Variants in KCNH2 observed in about 807,000 individuals in gnomAD.
KCNH2 encodes the protein potassium voltage-gated channel subfamily H member 2.
A neutral mutation model predicts 95.9 loss-of-function variants in KCNH2; 35 were observed. The observed-to-expected ratio is 0.37, with a 90% CI of 0.28 to 0.48. KCNH2 has a LOEUF of 0.48. KCNH2 is among the 20% of genes least tolerant of loss of function. KCNH2 has a pLI of 0.99. For synonymous variants in KCNH2, 786 were observed against 754.7 expected, an observed-to-expected ratio of 1.04 and a Z score of -0.68; for missense variants, 1,274 against 1,702.9, an observed-to-expected ratio of 0.75 and a Z score of 4.43.
chr7:150,958,131 C>A lies in KCNH2; in HGVS notation c.844G>T (p.Ala282Ser). ...SRESCASVRRASSADDIEAMR... is the reference protein window; with the variant it reads ...SRESCASVRRSSSADDIEAMR... ...GCCTCGATGTCGTCGGCCGACGAGG[C>A]GCGGCGCACGCTGGCGCAGCTTTCT... The change falls in exon 4 of 15, where the codon GCC becomes TCC. Residue 282 changes from alanine (A) to serine (S), a missense_variant. Physicochemically the swap from Ala to Ser is moderately conservative, Grantham distance 99. This residue lies in a region of KCNH2 where 392 missense variants were observed against 429.9 expected (regional missense o/e 0.91). Transcript: ENST00000262186. The A allele has an allele frequency of 7.7e-7, 1 of 1,302,864 alleles. No homozygotes were observed. The allele number at this position is 1,302,864 out of a possible 1,614,324, so 80.7% of individuals were successfully genotyped here. A position where few individuals can be genotyped will look rare whatever the true frequency, so the allele number is the denominator to read the frequency against.
chr7:150,957,415 T>C lies in KCNH2; in HGVS notation c.1004A>G (p.Gln335Arg). Residue 335 changes from glutamine to arginine, a missense_variant, in exon 5 of 15, where the codon CAA (glutamine) becomes CGA (arginine). Gln to Arg is a conservative substitution (Grantham distance 43). Around this residue, in one of 7 missense-constraint regions of KCNH2, gnomAD observed 392 missense variants for 429.9 expected, o/e 0.91. Coordinates refer to ENST00000262186, the MANE Select transcript of KCNH2 (RefSeq NM_000238.4). ...VRYRTISKIPQITLNFVDLKG... is the reference protein window; with the variant it reads ...VRYRTISKIPRITLNFVDLKG... ...GAGGTCCACAAAGTTGAGGGTGATT[T>C]GGGGAATCTTGCTAATGGTGCGGTA... 1 of 1,614,234 alleles carries C rather than the reference T, an allele frequency of 6.2e-7. No homozygotes were observed. The highest frequency in any genetic ancestry group is 8.5e-7 in the Non-Finnish European group (1 of 1,180,030).
chr7:150,957,518 G>A lies in KCNH2; in HGVS notation c.917-16C>T. On this transcript the variant is annotated splice_polypyrimidine_tract_variant and intron_variant, in intron 4 of 14. Transcript: ENST00000262186. ...TGCATGGCCCCTAGGTGGAGAGGCA[G>A]CGTGGTCAGGCCAGCAGCCCAGGGC... The A allele has an allele frequency of 1.3e-6, 2 of 1,552,512 alleles. No homozygotes were observed. Among genetic ancestry groups the A allele is most frequent in the Non-Finnish European group, 1.7e-6 (2 of 1,157,026 alleles).
Position 150,978,000 on chromosome 7 carries a change from C to G in KCNH2, c.-87G>C, listed in dbSNP as rs1270151952. On this transcript the variant is annotated 5_prime_UTR_variant, in exon 1 of 15. Coordinates refer to ENST00000262186, the MANE Select transcript of KCNH2 (RefSeq NM_000238.4). ...TAGGCTTCGGGTGGCCCGGCCGGGCCGTGGTCCCCGCACCCCGCGGCCAAG... is the reference window on the plus strand; with the variant it reads ...TAGGCTTCGGGTGGCCCGGCCGGGCGGTGGTCCCCGCACCCCGCGGCCAAG... The G allele has an allele frequency of 1.6e-6, 1 of 616,400 alleles. No homozygotes were observed. Among genetic ancestry groups the G allele is most frequent in the East Asian group, 4.0e-5 (1 of 24,710 alleles). The allele number at this position is 616,400 out of a possible 1,614,324, so 38.2% of individuals were successfully genotyped here.
At chr7:150,956,386 A>G (rs1801377260) in intron 5 of KCNH2, among the ~76,000 whole-genome samples, 1 of 152,162 alleles carries the variant, frequency 6.6e-6, no homozygotes, top group East Asian at 1.9e-4. Flanking sequence ...GCTCCCTTAC[A>G]TGAGCCAACC....
chr7:150,973,016 C>A (rs904893547), intron 2 of KCNH2, among the ~76,000 whole-genome samples: 2 of 152,214 alleles, frequency 1.3e-5, no homozygotes, highest in African/African-American at 4.8e-5. Context: ...CGGCCCGTTG[C>A]AGGCACTCTC....
At chr7:150,955,380 A>T (rs1425965297) in intron 5 of KCNH2, 3 of 1,551,532 alleles carry the variant, frequency 1.9e-6, no homozygotes, top group Non-Finnish European at 2.6e-6. Context: ...AAGAGGAAGG[A>T]CCGGGTGTCA....
rs1045234210 is a variant in KCNH2 at position 150,958,131 on chromosome 7, C to G, written c.844G>C (p.Ala282Pro). Residue 282 changes from alanine (A) to proline (P), a missense_variant, in exon 4 of 15, where the codon GCC becomes CCC. Ala to Pro is a conservative substitution (Grantham distance 27, BLOSUM62 -1). Transcript: ENST00000262186. Reference protein sequence around the residue: ...SRESCASVRRASSADDIEAMR... With the variant: ...SRESCASVRRPSSADDIEAMR... ...GCCTCGATGTCGTCGGCCGACGAGG[C>G]GCGGCGCACGCTGGCGCAGCTTTCT... 1 of 1,302,864 alleles carries G rather than the reference C, an allele frequency of 7.7e-7. No individual in the cohort carries two copies. Among genetic ancestry groups the G allele is most frequent in the African/African-American group, 1.5e-5 (1 of 64,656 alleles). 80.7% of individuals were successfully genotyped at this position (1,302,864 alleles called of 1,614,324 possible). A position where few individuals can be genotyped will look rare whatever the true frequency, so the allele number is the denominator to read the frequency against.
rs1060499872 is a variant in KCNH2 at position 150,947,379 on chromosome 7, G to GGCC, written c.3098_3100dup (p.Arg1033dup). 1.7e-5 allele frequency: 26 copies of GGCC among 1,548,526 alleles called. No individual in the cohort carries two copies. Among genetic ancestry groups the GGCC allele is most frequent in the African/African-American group, 2.7e-5 (2 of 73,144 alleles). On this transcript the variant is annotated inframe_insertion, in exon 13 of 15. Coordinates refer to ENST00000262186, the MANE Select transcript of KCNH2 (RefSeq NM_000238.4). ...CAGCCTGCTCTCCACGTCGCCCCGG[G>GGCC]GCCGCCGACCCGGGCTGGAGAGGGG...
Position 150,961,720 on chromosome 7 carries a change from G to A in KCNH2, c.308-1984C>T, listed in dbSNP as rs545335433. Among the ~76,000 whole-genome samples the A allele has an allele frequency of 1.5e-4, 23 of 152,288 alleles. No homozygotes were observed. The highest frequency in any genetic ancestry group is 5.1e-4 in the African/African-American group (21 of 41,554). On this transcript the variant is annotated intron_variant, in intron 2 of 14. Transcript: ENST00000262186. The surrounding 1 kb of genome is among the most constrained non-coding windows in gnomAD (Gnocchi z 6.2). ...AAGGTAGAAGCCGGCAACAGACACCGGCAACCTGGAGGCGACGCCACCCCT... is the reference window on the plus strand; with the variant it reads ...AAGGTAGAAGCCGGCAACAGACACCAGCAACCTGGAGGCGACGCCACCCCT...
intron 2 of KCNH2, among the ~76,000 whole-genome samples, chr7:150,964,481 C>A (rs766479562): frequency 6.6e-6 from 1 of 152,186 alleles, no homozygotes; most frequent in Non-Finnish European, 1.5e-5. Context: ...GTGGCTCCTG[C>A]GTTCCCTCTA....
chr7:150,966,251 T>C (rs1317372394), intron 2 of KCNH2, among the ~76,000 whole-genome samples: 10 of 151,730 alleles, frequency 6.6e-5, no homozygotes, highest in Non-Finnish European at 1.5e-4. Flanking sequence ...CTTCTAGGTC[T>C]GTGCTCTGTC....
At chr7:150,975,449 TC>T (rs41308999) in intron 1 of KCNH2, among the ~76,000 whole-genome samples, 6,058 of 152,096 alleles carry the variant, frequency 0.04, 151 homozygotes, top group African/African-American at 0.053. Context: ...AGGAAATCAC[TC>T]CCCGATTATC....
At chr7:150,947,990 G>A in intron 11 of KCNH2, 112 bp from the exon 12 acceptor site, 1 of 1,301,548 alleles carries the variant, frequency 7.7e-7, no homozygotes. Context: ...AGGAAGCCCT[G>A]GTTTGTCCCC....
Position 150,947,509 on chromosome 7 carries a change from A to G in KCNH2, c.2971T>C (p.Phe991Leu). ...CTGAAAATGTTGGACACTCCTGAGA[A>G]GGCGCCTGCAGCCAGAGAGCAGAGC... is the stretch of plus-strand genomic sequence containing the variant. ...SDTCNPLSGA[F>L]SGVSNIFSFW... The change falls in exon 13 of 15, where the codon TTC becomes CTC. Residue 991 changes from phenylalanine (F) to leucine (L), a missense_variant. Physicochemically the swap from Phe to Leu is conservative, Grantham distance 22. Coordinates refer to ENST00000262186, the MANE Select transcript of KCNH2 (RefSeq NM_000238.4). 1 of 1,592,760 alleles carries G rather than the reference A, an allele frequency of 6.3e-7. No homozygotes were observed. Among genetic ancestry groups the G allele is most frequent in the East Asian group, 2.3e-5 (1 of 43,968 alleles).
At chr7:150,971,374 G>A (rs901698986) in intron 2 of KCNH2, among the ~76,000 whole-genome samples, 7 of 152,158 alleles carry the variant, frequency 4.6e-5, no homozygotes, top group African/African-American at 1.7e-4. Context: ...CCCAACAGCC[G>A]CAGCATCAGC....
Position 150,977,951 on chromosome 7 carries a change from CCCCGGCCCGG to C in KCNH2, c.-48_-39del, listed in dbSNP as rs747534042. The C allele has an allele frequency of 4.2e-6, 6 of 1,434,910 alleles. No individual in the cohort carries two copies. The highest frequency in any genetic ancestry group is 2.9e-5 in the African/African-American group (2 of 68,070). 88.9% of individuals were successfully genotyped at this position (1,434,910 alleles called of 1,614,324 possible). On this transcript the variant is annotated 5_prime_UTR_variant, in exon 1 of 15. Transcript: ENST00000262186. ...GGCGGGCCGGGCGGGCCCCCACCCA[CCCCGGCCCGG>C]CCCGGCCCAGCACTAGGCTTCGGGT...
At position 150,952,837 on chromosome 7, in the gene KCNH2, G is replaced by A. The variant is rs867170912; in HGVS notation, c.1145C>T (p.Ala382Val). The A allele has an allele frequency of 1.9e-6, 3 of 1,613,716 alleles. No individual in the cohort carries two copies. The highest frequency in any genetic ancestry group is 2.5e-6 in the Non-Finnish European group (3 of 1,179,980). The change falls in exon 6 of 15, where the codon GCC (alanine) becomes GTC (valine). Residue 382 changes from alanine to valine, a missense_variant. Ala to Val is a moderately conservative substitution (Grantham distance 64). Around this residue, in one of 7 missense-constraint regions of KCNH2, gnomAD observed 392 missense variants for 429.9 expected, o/e 0.91. Transcript: ENST00000262186. This position sits in a 1 kb window ranked among gnomAD's most constrained non-coding sequence, Gnocchi z 7.3. Reference sequence around the variant, plus strand: ...CAGCTTGTACTCAGGCAGCACGTCGGCGCCCAGGGACAGGACCTGCACCCG... The same window carrying A: ...CAGCTTGTACTCAGGCAGCACGTCGACGCCCAGGGACAGGACCTGCACCCG... ...EKVTQVLSLGADVLPEYKLQA... is the reference protein window; with the variant it reads ...EKVTQVLSLGVDVLPEYKLQA...
intron 2 of KCNH2, among the ~76,000 whole-genome samples, chr7:150,972,546 C>T (rs1181669414): frequency 6.6e-6 from 1 of 152,240 alleles, no homozygotes. Flanking sequence ...CCAGGCCAGC[C>T]TGTTGGCCAA....
At position 150,962,627 on chromosome 7, in the gene KCNH2, C is replaced by CAGAGGGAGAG; in HGVS notation, c.308-2892_308-2891insCTCTCCCTCT. On this transcript the variant is annotated intron_variant, in intron 2 of 14. Transcript: ENST00000262186. This position sits in a 1 kb window ranked among gnomAD's most constrained non-coding sequence, Gnocchi z 5.7. ...CACACTTACACACACACACGAGAGA[C>CAGAGGGAGAG]AGAGAGAGAGAGAGAGAGAGAGAGA... 6.8e-6 allele frequency among the ~76,000 whole-genome samples: 1 copy of CAGAGGGAGAG among 146,360 alleles called. No homozygotes were observed. Among genetic ancestry groups the CAGAGGGAGAG allele is most frequent in the South Asian group, 2.2e-4 (1 of 4,538 alleles).
Sources: gnomAD v4.1 joint callset for allele counts (sites outside exome capture counted in the v4.1 genomes callset) on GRCh38, gnomAD v4.1.1 for gene constraint, gnomAD v4.1.1 regional missense constraint, Gnocchi (gnomAD v3.1) non-coding constraint, MANE v1.5 for transcripts, NCBI Gene and HGNC (gene_info 2026-07-23, HGNC 2026-07-21) for gene names.